Variants in DIAPH2 observed in about 807,000 individuals in gnomAD.
DIAPH2 encodes the protein diaphanous related formin 2.
Under a neutral mutation model 92.7 loss-of-function variants are expected in DIAPH2, and 35 were observed. The observed-to-expected ratio is 0.38, with a 90% CI of 0.29 to 0.50. The LOEUF (loss-of-function observed/expected upper bound fraction) is 0.50, where lower values mean the gene tolerates loss of function less well. Among genes scored for constraint, DIAPH2 ranks in the 20% least tolerant of loss-of-function variants. The pLI, the probability that DIAPH2 is intolerant of heterozygous loss-of-function variation, is 0.94. For missense variants in DIAPH2, 701 were observed against 819.5 expected, an observed-to-expected ratio of 0.86 and a Z score of 1.77; for synonymous variants, 301 against 280.4, an observed-to-expected ratio of 1.07 and a Z score of -0.73.
intron 25 of DIAPH2, among the ~76,000 whole-genome samples, chrX:97,411,426 T>C (rs1371791171): frequency 8.9e-6 from 1 of 111,832 alleles, no homozygotes. Flanking sequence ...AAGGAACAAC[T>C]GGTACCAGCC....
intron 23 of DIAPH2, among the ~76,000 whole-genome samples, chrX:97,309,108 A>T (rs12837303): frequency 0.42 from 44,393 of 105,489 alleles, 8,213 homozygotes; most frequent in Non-Finnish European, 0.57. Context: ...TTATTTATTT[A>T]TTTTTTTTTT....
At chrX:97,573,454 C>T (rs1474048754) in intron 26 of DIAPH2, among the ~76,000 whole-genome samples, 8 of 110,518 alleles carry the variant, frequency 7.2e-5, no homozygotes, top group Non-Finnish European at 1.1e-4. Flanking sequence ...TTTTTCTTAC[C>T]ATTTAGGGTT....
chrX:97,275,949 C>T (rs1308058098), intron 23 of DIAPH2, among the ~76,000 whole-genome samples: 1 of 112,501 alleles, frequency 8.9e-6, no homozygotes, highest in Non-Finnish European at 1.9e-5. Context: ...GAGGTTGTAG[C>T]TAGCCGAGAT....
chrX:97,046,029 G>T (rs1387189432), intron 17 of DIAPH2, among the ~76,000 whole-genome samples: 2 of 107,496 alleles, frequency 1.9e-5, no homozygotes, highest in Non-Finnish European at 3.8e-5. Context: ...GCTAAATTTT[G>T]TATTTTTTGG....
intron 24 of DIAPH2, among the ~76,000 whole-genome samples, chrX:97,382,342 G>A (rs1240560503): frequency 8.9e-6 from 1 of 112,108 alleles, no homozygotes; most frequent in Non-Finnish European, 1.9e-5. Flanking sequence ...TGTAATCCCA[G>A]CACACTGGGA....
chrX:96,882,054 CTT>C (rs72319311), intron 5 of DIAPH2, among the ~76,000 whole-genome samples: 18 of 101,552 alleles, frequency 1.8e-4, no homozygotes, highest in Admixed American at 1.1e-4. Flanking sequence ...TGATTTTATT[CTT>C]TTTTTTTTTT....
chrX:97,433,060 C>T (rs914375438), intron 26 of DIAPH2, among the ~76,000 whole-genome samples: 1 of 111,467 alleles, frequency 9.0e-6, no homozygotes, highest in Non-Finnish European at 1.9e-5. Flanking sequence ...AGCCTGTGCC[C>T]CCTACCCAAG....
chrX:97,125,994 C>T (rs980898409), intron 21 of DIAPH2, among the ~76,000 whole-genome samples: 2 of 111,698 alleles, frequency 1.8e-5, no homozygotes, highest in Admixed American at 9.5e-5. Context: ...ACTTAGTTCG[C>T]CATGAAGACT....
At chrX:97,214,763 G>A (rs893579200) in intron 22 of DIAPH2, among the ~76,000 whole-genome samples, 1 of 106,075 alleles carries the variant, frequency 9.4e-6, no homozygotes, top group African/African-American at 3.5e-5. Flanking sequence ...CCCAGGAAGC[G>A]GAGGTTGGGG....
intron 26 of DIAPH2, among the ~76,000 whole-genome samples, chrX:97,588,465 CT>C (rs567034447): frequency 2.3e-3 from 233 of 103,243 alleles, no homozygotes; most frequent in African/African-American, 3.3e-3. Flanking sequence ...AAAGGACAGA[CT>C]TTTTTTTTTT....
chrX:97,365,133 CTCTA>C (rs1256543487), intron 24 of DIAPH2, among the ~76,000 whole-genome samples: 38 of 111,178 alleles, frequency 3.4e-4, no homozygotes, highest in African/African-American at 1.2e-3. Context: ...ACTCAAGAGA[CTCTA>C]TCTGTTTTTT....
At chrX:96,779,861 G>A (rs1190156974) in intron 4 of DIAPH2, among the ~76,000 whole-genome samples, 1 of 111,879 alleles carries the variant, frequency 8.9e-6, no homozygotes, top group Admixed American at 9.5e-5. Context: ...CTTTTGTAGC[G>A]GTGCTTTGTA....
chrX:96,945,459 C>A, intron 13 of DIAPH2, 68 bp from the exon 14 acceptor site: 1 of 791,865 alleles, frequency 1.3e-6, no homozygotes, highest in Non-Finnish European at 1.8e-6. Flanking sequence ...GAGTTATAGG[C>A]TAGAAGACGT....
chrX:96,857,196 C>A (rs1486064711), intron 4 of DIAPH2, among the ~76,000 whole-genome samples: 2 of 111,465 alleles, frequency 1.8e-5, no homozygotes, highest in Non-Finnish European at 3.8e-5. Flanking sequence ...TTGGAAAATA[C>A]CTGCTATAGT....
intron 17 of DIAPH2, among the ~76,000 whole-genome samples, chrX:97,051,550 G>A (rs1349461317): frequency 1.9e-5 from 2 of 105,163 alleles, no homozygotes; most frequent in Non-Finnish European, 3.9e-5. Context: ...CTCACCTCAA[G>A]CAATTTTAAC....
intron 23 of DIAPH2, among the ~76,000 whole-genome samples, chrX:97,287,263 C>T (rs756796240): frequency 4.6e-5 from 5 of 109,620 alleles, no homozygotes; most frequent in Admixed American, 3.0e-4. Context: ...CAAGATCATG[C>T]CACCGAACTC....
chrX:96,841,797 G>A (rs773848883), intron 4 of DIAPH2, among the ~76,000 whole-genome samples: 8 of 112,417 alleles, frequency 7.1e-5, no homozygotes, highest in African/African-American at 2.3e-4. Context: ...CTTTGTGTGA[G>A]CAATAAAGCT....
intron 24 of DIAPH2, among the ~76,000 whole-genome samples, chrX:97,357,780 A>G (rs1037973420): frequency 8.9e-6 from 1 of 112,100 alleles, no homozygotes; most frequent in African/African-American, 3.2e-5. Context: ...AAAGGCAGTG[A>G]AAGAACAAAT....
chrX:97,303,937 C>A (rs1239314922), intron 23 of DIAPH2, among the ~76,000 whole-genome samples: 1 of 111,019 alleles, frequency 9.0e-6, no homozygotes, highest in Non-Finnish European at 1.9e-5. Flanking sequence ...GGACACAGGA[C>A]AAAATTGTTA....
Sources: allele counts gnomAD v4.1 joint callset (sites outside exome capture counted in the v4.1 genomes callset), GRCh38; gene constraint gnomAD v4.1.1; transcripts MANE v1.5; gene names NCBI Gene and HGNC (gene_info 2026-07-23, HGNC 2026-07-21).